Variants in CACNA1E observed in about 807,000 individuals in gnomAD.
The protein encoded by CACNA1E is voltage-dependent R-type calcium channel subunit alpha-1E.
Under a neutral mutation model 259.2 loss-of-function variants are expected in CACNA1E, and 40 were observed. The ratio of observed to expected loss-of-function variants is 0.15; its 90% CI spans 0.12 to 0.20. CACNA1E has a LOEUF of 0.20. Among genes scored for constraint, CACNA1E ranks in the 10% least tolerant of loss-of-function variants. The pLI, the probability that CACNA1E is intolerant of heterozygous loss-of-function variation, is 1.00. For synonymous variants in CACNA1E, 1,104 were observed against 1,138.5 expected, an observed-to-expected ratio of 0.97 and a Z score of 0.61; for missense variants, 1,874 against 3,040.1, an observed-to-expected ratio of 0.62 and a Z score of 9.02.
intron 6 of CACNA1E, among the ~76,000 whole-genome samples, chr1:181,593,577 C>A (rs750370742): frequency 1.3e-5 from 2 of 152,054 alleles, no homozygotes; most frequent in African/African-American, 2.4e-5. Flanking sequence ...CTTGCTCTGT[C>A]GCCCAGGCTG....
At chr1:181,576,097 C>T (rs762816233) in intron 3 of CACNA1E, among the ~76,000 whole-genome samples, 10 of 152,256 alleles carry the variant, frequency 6.6e-5, no homozygotes, top group Middle Eastern at 3.4e-3. Context: ...CCGTTTCTGA[C>T]GACGGCATGG....
chr1:181,732,814 G>A lies in CACNA1E; in HGVS notation c.2728G>A (p.Asp910Asn). 1 of 1,610,118 alleles carries A rather than the reference G, an allele frequency of 6.2e-7. No individual in the cohort carries two copies. Among genetic ancestry groups the A allele is most frequent in the South Asian group, 1.1e-5 (1 of 90,462 alleles). ...GGGEAVVTFE[D>N]RARHRQSQRR... ...AGGAGAGGCTGTGGTGACCTTTGAGGACCGGGCCAGGCACAGGCAGAGCCA... is the reference window on the plus strand; with the variant it reads ...AGGAGAGGCTGTGGTGACCTTTGAGAACCGGGCCAGGCACAGGCAGAGCCA... Residue 910 changes from aspartate to asparagine, a missense_variant, in exon 20 of 48, where the codon GAC becomes AAC. Physicochemically the swap from Asp to Asn is conservative, Grantham distance 23. Coordinates refer to ENST00000367573, the MANE Select transcript of CACNA1E (RefSeq NM_001205293.3). The surrounding 1 kb of genome is among the most constrained non-coding windows in gnomAD (Gnocchi z 5.5).
intron 6 of CACNA1E, among the ~76,000 whole-genome samples, chr1:181,622,409 A>G (rs1655807627): frequency 6.6e-6 from 1 of 152,200 alleles, no homozygotes; most frequent in African/African-American, 2.4e-5. Flanking sequence ...CTACTGGCTT[A>G]AACAGAAATT....
intron 1 of CACNA1E, among the ~76,000 whole-genome samples, chr1:181,361,355 G>T (rs952035276): frequency 6.6e-6 from 1 of 152,156 alleles, no homozygotes; most frequent in African/African-American, 2.4e-5. Flanking sequence ...TAAAAATATT[G>T]TTCTACTACC....
intron 3 of CACNA1E, among the ~76,000 whole-genome samples, chr1:181,559,112 A>G (rs895753349): frequency 9.9e-5 from 15 of 152,198 alleles, no homozygotes; most frequent in African/African-American, 3.6e-4. Context: ...GATCACAGAG[A>G]TCAGTGGAGA....
At chr1:181,664,192 A>G (rs1356718946) in intron 7 of CACNA1E, among the ~76,000 whole-genome samples, 1 of 152,206 alleles carries the variant, frequency 6.6e-6, no homozygotes, top group Non-Finnish European at 1.5e-5. Flanking sequence ...TAGGACTCCC[A>G]GTCCAGTGCT....
chr1:181,582,732 T>C lies in CACNA1E; in HGVS notation c.951+1956T>C, dbSNP rs186454027. On this transcript the variant is annotated intron_variant, in intron 6 of 47. Transcript: ENST00000367573. ...AGCACTGTCCTAGGCACTAGGGAAATAGGGAGAAAAAAGTGCCATGATTCC... is the reference window on the plus strand; with the variant it reads ...AGCACTGTCCTAGGCACTAGGGAAACAGGGAGAAAAAAGTGCCATGATTCC... Among the ~76,000 whole-genome samples, 10 of 152,220 alleles carry C rather than the reference T, an allele frequency of 6.6e-5. No homozygotes were observed. The East Asian group carries it at 1.4e-3, about 21-fold the overall frequency.
chr1:181,481,335 T>TACACACACACACACACAC (rs113766656), upstream of CACNA1E, among the ~76,000 whole-genome samples: 2 of 145,398 alleles, frequency 1.4e-5, no homozygotes, highest in Admixed American at 6.8e-5. Flanking sequence ...AGAATTTTCC[T>TACACACACACACACACAC]ACACACACAC....
intron 38 of CACNA1E, among the ~76,000 whole-genome samples, chr1:181,779,180 A>G (rs1660208826): frequency 6.6e-6 from 1 of 152,356 alleles, no homozygotes; most frequent in African/African-American, 2.4e-5. Context: ...CCAGATAGGT[A>G]TAATGGGGTG....
intron 7 of CACNA1E, among the ~76,000 whole-genome samples, chr1:181,701,243 G>A: frequency 6.6e-6 from 1 of 152,178 alleles, no homozygotes; most frequent in East Asian, 1.9e-4. Context: ...CCTCTCCTCA[G>A]ACACCTCCAA....
chr1:181,756,387 C>A (rs985398287), intron 29 of CACNA1E, among the ~76,000 whole-genome samples: 2 of 152,144 alleles, frequency 1.3e-5, no homozygotes, highest in South Asian at 4.1e-4. Flanking sequence ...TTGAACAGCC[C>A]TGTACCCATA....
chr1:181,349,868 C>T (rs1652899789), intron 1 of CACNA1E, among the ~76,000 whole-genome samples: 1 of 152,172 alleles, frequency 6.6e-6, no homozygotes, highest in African/African-American at 2.4e-5. Context: ...TCCACTCTTA[C>T]CAACAGCTGT....
intron 7 of CACNA1E, among the ~76,000 whole-genome samples, chr1:181,691,049 AT>A (rs1651102198): frequency 6.6e-6 from 1 of 152,046 alleles, no homozygotes; most frequent in African/African-American, 2.4e-5. Flanking sequence ...ATCAAATATT[AT>A]CTTTTCAAAT....
chr1:181,666,053 A>G (rs1472891910), intron 7 of CACNA1E, among the ~76,000 whole-genome samples: 1 of 152,058 alleles, frequency 6.6e-6, no homozygotes, highest in African/African-American at 2.4e-5. Flanking sequence ...CTCCTCACTT[A>G]TTCTCTGGGC....
chr1:181,764,763 AAC>A (rs1160271352), intron 34 of CACNA1E, among the ~76,000 whole-genome samples: 1 of 152,114 alleles, frequency 6.6e-6, no homozygotes, highest in East Asian at 1.9e-4. Context: ...TAGAATTGGA[AAC>A]ACAACATGCT....
chr1:181,438,346 A>G (rs1660226672), intron 2 of CACNA1E, among the ~76,000 whole-genome samples: 1 of 152,194 alleles, frequency 6.6e-6, no homozygotes, highest in Non-Finnish European at 1.5e-5. Context: ...AATTATATTC[A>G]TGCAAGAGAA....
chr1:181,771,978 C>T lies in CACNA1E; in HGVS notation c.4974-88C>T, dbSNP rs140167507. ...AGAGCCTGTTGGGCCCAGACAAGAG[C>T]GAGGATGGGGAAATTGGGAAAGAGG... On this transcript the variant is annotated intron_variant, in intron 36 of 47. Coordinates refer to ENST00000367573, the MANE Select transcript of CACNA1E (RefSeq NM_001205293.3). 4,312 of 1,250,110 alleles carry T rather than the reference C, an allele frequency of 3.4e-3. 14 individuals are homozygous for T. The highest frequency in any genetic ancestry group is 6.9e-3 in the Middle Eastern group (30 of 4,318). The allele number at this position is 1,250,110 out of a possible 1,614,324, so 77.4% of individuals were successfully genotyped here.
chr1:181,726,909 T>A (rs936067297), intron 18 of CACNA1E, among the ~76,000 whole-genome samples: 5 of 152,048 alleles, frequency 3.3e-5, no homozygotes, highest in Admixed American at 2.6e-4. Context: ...TAGGATGAGC[T>A]CATGGATTAA....
At chr1:181,353,904 G>C (rs1048932889) in intron 1 of CACNA1E, among the ~76,000 whole-genome samples, 5 of 152,202 alleles carry the variant, frequency 3.3e-5, no homozygotes, top group Non-Finnish European at 7.4e-5. Flanking sequence ...GAGATTCCCT[G>C]TCTGTTAGAG....
Sources: gnomAD v4.1 joint callset for allele counts (sites outside exome capture counted in the v4.1 genomes callset) on GRCh38, gnomAD v4.1.1 for gene constraint, Gnocchi (gnomAD v3.1) non-coding constraint, MANE v1.5 for transcripts, NCBI Gene and HGNC (gene_info 2026-07-23, HGNC 2026-07-21) for gene names.